Variants in LOC400499 observed in about 807,000 individuals in gnomAD.
At chr16:11,460,428 C>T in the LOC400499 span, 3 of 1,476,594 alleles carry the variant, frequency 2.0e-6, no homozygotes, top group South Asian at 4.0e-5. Flanking sequence ...TCACCACTTG[C>T]CTGACTCTAG....
chr16:11,451,488 G>A, the LOC400499 span, among the ~76,000 whole-genome samples: 1 of 152,080 alleles, frequency 6.6e-6, no homozygotes, highest in African/African-American at 2.4e-5. Context: ...CTGAGGTGGA[G>A]GCTGCAGTGG....
the LOC400499 span, among the ~76,000 whole-genome samples, chr16:11,382,591 G>A: frequency 2.6e-5 from 4 of 152,218 alleles, no homozygotes; most frequent in East Asian, 7.7e-4. Context: ...TGATTATTGT[G>A]GTGTGAGAGC....
At chr16:11,418,040 C>A in the LOC400499 span, among the ~76,000 whole-genome samples, 1 of 152,110 alleles carries the variant, frequency 6.6e-6, no homozygotes, top group Non-Finnish European at 1.5e-5. Context: ...CCCAGGAGAC[C>A]GTAGAGAAAA....
the LOC400499 span, among the ~76,000 whole-genome samples, chr16:11,381,625 TTGAG>T: frequency 6.6e-6 from 1 of 152,234 alleles, no homozygotes; most frequent in African/African-American, 2.4e-5. Flanking sequence ...GGTGGATCCC[TTGAG>T]TAAGTGTCAT....
chr16:11,518,791 T>G, the LOC400499 span: 1 of 398,180 alleles, frequency 2.5e-6, no homozygotes, highest in Non-Finnish European at 4.4e-6. Flanking sequence ...CCAATTGTCC[T>G]AATCTAATTC....
chr16:11,526,904 G>A, the LOC400499 span, among the ~76,000 whole-genome samples: 15 of 152,156 alleles, frequency 9.9e-5, no homozygotes, highest in Non-Finnish European at 2.1e-4. Flanking sequence ...TGAGTTTCCA[G>A]AGGATGCTGG....
At chr16:11,416,183 C>T in the LOC400499 span, among the ~76,000 whole-genome samples, 15,576 of 151,980 alleles carry the variant, frequency 0.1, 794 homozygotes, top group Middle Eastern at 0.19. Context: ...CTCCTGACCT[C>T]AAATGATCCA....
chr16:11,413,175 G>A, the LOC400499 span, among the ~76,000 whole-genome samples: 1 of 152,192 alleles, frequency 6.6e-6, no homozygotes, highest in African/African-American at 2.4e-5. Flanking sequence ...GACCTCAAAG[G>A]ACAGCTGCAG....
At chr16:11,459,825 G>A in the LOC400499 span, 3 of 1,245,962 alleles carry the variant, frequency 2.4e-6, no homozygotes, top group Non-Finnish European at 3.0e-6. Context: ...AGGGCCATGT[G>A]GGGGTTCCCC....
chr16:11,462,008 G>T, the LOC400499 span: 1 of 1,010,734 alleles, frequency 9.9e-7, no homozygotes, highest in Non-Finnish European at 1.3e-6. Flanking sequence ...TGGATGGGAT[G>T]TTGATATTAA....
chr16:11,412,137 T>C, the LOC400499 span, among the ~76,000 whole-genome samples: 2 of 152,100 alleles, frequency 1.3e-5, no homozygotes, highest in East Asian at 3.9e-4. Flanking sequence ...AGCACTGGGA[T>C]TACAGGTGTG....
the LOC400499 span, among the ~76,000 whole-genome samples, chr16:11,486,988 G>T: frequency 2.0e-5 from 3 of 151,370 alleles, no homozygotes; most frequent in African/African-American, 7.3e-5. Context: ...TGGACGAGAT[G>T]AATGAGAGGG....
chr16:11,506,670 C>G, the LOC400499 span, among the ~76,000 whole-genome samples: 1 of 152,202 alleles, frequency 6.6e-6, no homozygotes, highest in Non-Finnish European at 1.5e-5. Flanking sequence ...ACCCTCTGCC[C>G]CCCACATCGA....
the LOC400499 span, among the ~76,000 whole-genome samples, chr16:11,522,517 C>T: frequency 1.3e-5 from 2 of 152,148 alleles, no homozygotes; most frequent in African/African-American, 2.4e-5. Flanking sequence ...CCAAAAATGT[C>T]CCCAGACTTT....
the LOC400499 span, among the ~76,000 whole-genome samples, chr16:11,379,278 C>A: frequency 2.0e-5 from 3 of 152,142 alleles, no homozygotes; most frequent in Non-Finnish European, 4.4e-5. Context: ...GTGAAGTCTC[C>A]TACCATTATC....
the LOC400499 span, among the ~76,000 whole-genome samples, chr16:11,508,062 G>A: frequency 6.6e-6 from 1 of 152,198 alleles, no homozygotes; most frequent in South Asian, 2.1e-4. Context: ...TAAGGATCTT[G>A]AGATATGATC....
the LOC400499 span, among the ~76,000 whole-genome samples, chr16:11,457,771 T>G: frequency 6.6e-6 from 1 of 152,068 alleles, no homozygotes; most frequent in Admixed American, 6.5e-5. Context: ...AACCCACATG[T>G]CCATCAACAG....
chr16:11,372,904 G>C, the LOC400499 span, among the ~76,000 whole-genome samples: 85 of 152,292 alleles, frequency 5.6e-4, no homozygotes, highest in Middle Eastern at 6.8e-3. Context: ...TAAGAGCAGC[G>C]GGCATGGGTC....
the LOC400499 span, among the ~76,000 whole-genome samples, chr16:11,383,331 T>C: frequency 6.6e-6 from 1 of 152,212 alleles, no homozygotes; most frequent in Non-Finnish European, 1.5e-5. Context: ...CCTCCCAAAG[T>C]GCTGGGATTA....
Sources: allele counts gnomAD v4.1 joint callset (sites outside exome capture counted in the v4.1 genomes callset), GRCh38; gene constraint gnomAD v4.1.1; transcripts MANE v1.5.